BTBD3: variants seen among roughly 807,000 people sequenced by gnomAD.
The protein encoded by BTBD3 is BTB/POZ domain-containing protein 3.
A neutral mutation model predicts 41.6 loss-of-function variants in BTBD3; 14 were observed. The observed-to-expected ratio is 0.34, with a 90% CI of 0.22 to 0.53. The LOEUF is 0.53. Among genes scored for constraint, BTBD3 ranks in the 20% least tolerant of loss-of-function variants. BTBD3 has a pLI of 0.95. For missense variants in BTBD3, 426 were observed against 654.7 expected (o/e 0.65, Z 3.81); for synonymous variants, 249 against 233.7 (o/e 1.07, Z -0.60).
At chr20:11,900,270 T>C (rs1238674776) in intron 1 of BTBD3, among the ~76,000 whole-genome samples, 1 of 152,238 alleles carries the variant, frequency 6.6e-6, no homozygotes, top group Non-Finnish European at 1.5e-5. Context: ...ATTCATTTTA[T>C]ATTGAACCCT....
upstream of BTBD3, among the ~76,000 whole-genome samples, chr20:11,914,419 A>G (rs2056906122): frequency 6.6e-6 from 1 of 152,300 alleles, no homozygotes; most frequent in Non-Finnish European, 1.5e-5. Context: ...TACTCATGGC[A>G]GATGAAAGCC....
intron 1 of BTBD3, among the ~76,000 whole-genome samples, chr20:11,900,760 T>C (rs1409501433): frequency 2.8e-5 from 4 of 145,260 alleles, no homozygotes; most frequent in Non-Finnish European, 4.5e-5. Flanking sequence ...CAGGCTGGAG[T>C]GCAGCGGCGA....
intron 1 of BTBD3, among the ~76,000 whole-genome samples, chr20:11,903,305 GC>G (rs927649391): frequency 1.6e-4 from 24 of 152,172 alleles, no homozygotes; most frequent in African/African-American, 5.5e-4. Flanking sequence ...TTAAACATTG[GC>G]AGCCATGCTT....
intron 1 of BTBD3, among the ~76,000 whole-genome samples, chr20:11,903,508 G>T (rs2056835741): frequency 6.6e-6 from 1 of 152,124 alleles, no homozygotes; most frequent in Non-Finnish European, 1.5e-5. Flanking sequence ...CAATTAATAT[G>T]ATTTTGCACC....
Position 11,906,223 on chromosome 20 carries a change from C to T in BTBD3, c.-125-12111C>T, listed in dbSNP as rs1402234005. On this transcript the variant is annotated intron_variant, in intron 1 of 4. Transcript: ENST00000254977. ...TGGCCAAAAATAAGTTATTCCACTA[C>T]TGATACCATAATTTCCATTTATTAT... Among the ~76,000 whole-genome samples, 4 of 127,746 alleles carry T rather than the reference C, an allele frequency of 3.1e-5. No individual in the cohort carries two copies. In the Admixed American group the frequency reaches 3.4e-4, roughly 11 times the overall value. The allele number at this position is 127,746 out of a possible 152,430, so 83.8% of individuals were successfully genotyped here.
chr20:11,918,928 G>T (rs2056941794), intron 1 of BTBD3, 158 bp from the exon 2 acceptor site: 1 of 605,472 alleles, frequency 1.7e-6, no homozygotes, highest in Non-Finnish European at 2.9e-6. Context: ...TGTTTGCAAT[G>T]ATTATGAACA....
intron 1 of BTBD3, among the ~76,000 whole-genome samples, chr20:11,901,022 A>T (rs2056820897): frequency 6.6e-6 from 1 of 152,202 alleles, no homozygotes; most frequent in African/African-American, 2.4e-5. Context: ...AAGTCCATCT[A>T]CAAATTTAAT....
intron 1 of BTBD3, among the ~76,000 whole-genome samples, chr20:11,902,042 C>A (rs1053379210): frequency 3.9e-5 from 6 of 152,160 alleles, no homozygotes; most frequent in African/African-American, 1.4e-4. Flanking sequence ...TGCCTGCCCC[C>A]ACCCCACCAA....
At chr20:11,891,989 C>A (rs1568605591) in intron 1 of BTBD3, among the ~76,000 whole-genome samples, 1 of 152,114 alleles carries the variant, frequency 6.6e-6, no homozygotes, top group Admixed American at 6.5e-5. Flanking sequence ...TAAAGATCCC[C>A]AGGTGATCGC....
intron 1 of BTBD3, among the ~76,000 whole-genome samples, chr20:11,897,130 C>G (rs1003382193): frequency 1.3e-5 from 2 of 152,038 alleles, no homozygotes; most frequent in African/African-American, 4.8e-5. Context: ...CTCTTCTCAC[C>G]AGCCTATGAA....
At position 11,922,836 on chromosome 20, in the gene BTBD3, G is replaced by A; in HGVS notation, c.739G>A (p.Val247Met). The A allele has an allele frequency of 1.2e-6, 2 of 1,614,218 alleles. No homozygotes were observed. Among genetic ancestry groups the A allele is most frequent in the African/African-American group, 1.3e-5 (1 of 75,066 alleles). Residue 247 changes from valine to methionine, a missense_variant, in exon 4 of 4, where the codon GTG becomes ATG. Val to Met is a conservative substitution (Grantham distance 21). Around this residue, in one of 3 missense-constraint regions of BTBD3, gnomAD observed 321 missense variants for 534.8 expected, o/e 0.60. Transcript: ENST00000378226. ...AGACCTGACCCAGCGTTGCTGGGAG[G>A]TGATTGATGCCCAGGCTGAGTTAGC... ...EPDLTQRCWEVIDAQAELALK... is the reference protein window; with the variant it reads ...EPDLTQRCWEMIDAQAELALK...
At chr20:11,913,886 T>A (rs1346745502), upstream of BTBD3, among the ~76,000 whole-genome samples, 2 of 152,240 alleles carry the variant, frequency 1.3e-5, no homozygotes, top group African/African-American at 4.8e-5. Flanking sequence ...AGGTTAACAG[T>A]GATTCAGCTT....
At chr20:11,907,604 A>G (rs2056863183) in intron 1 of BTBD3, among the ~76,000 whole-genome samples, 2 of 152,214 alleles carry the variant, frequency 1.3e-5, no homozygotes, top group Admixed American at 1.3e-4. Context: ...ATAGAATGTG[A>G]GAAAGTACTG....
chr20:11,891,673 T>A (rs2056755270), intron 1 of BTBD3, among the ~76,000 whole-genome samples: 1 of 152,146 alleles, frequency 6.6e-6, no homozygotes, highest in South Asian at 2.1e-4. Context: ...TTTGCTCTCT[T>A]GGGAAGAAAA....
rs553884491 is a variant in BTBD3, at chr20:11,905,273, A to G, written c.-125-13061A>G. Among the ~76,000 whole-genome samples the G allele has an allele frequency of 3.9e-5, 6 of 152,290 alleles. No homozygotes were observed. The East Asian group carries it at 1.2e-3, about 29-fold the overall frequency. On this transcript the variant is annotated intron_variant, in intron 1 of 4. Transcript: ENST00000254977. Reference sequence around the variant, plus strand: ...TAAGCATACTTTGCTGCTTCTGTCAAGTAACAATGGCATTTCAAGAAAAAA... The same window carrying G: ...TAAGCATACTTTGCTGCTTCTGTCAGGTAACAATGGCATTTCAAGAAAAAA...
Position 11,923,498 on chromosome 20 carries a change from C to T in BTBD3, c.1401C>T (p.Tyr467=), listed in dbSNP as rs1324322157. 1.2e-6 allele frequency: 2 copies of T among 1,613,976 alleles called. No individual in the cohort carries two copies. The highest frequency in any genetic ancestry group is 4.5e-5 in the East Asian group (2 of 44,874). The change falls in exon 4 of 4, where the codon TAC becomes TAT. Residue 467 remains tyrosine (Y), a synonymous_variant. Coordinates refer to ENST00000378226, the MANE Select transcript of BTBD3 (RefSeq NM_014962.4). The surrounding 1 kb of genome is among the most constrained non-coding windows in gnomAD (Gnocchi z 5.3). ...TGCAGATCGAGCCAGACACCTTCTACACAGCCAGTGTGATACTGGATGGCA... is the reference window on the plus strand; with the variant it reads ...TGCAGATCGAGCCAGACACCTTCTATACAGCCAGTGTGATACTGGATGGCA... ...YPVQIEPDTF[Y]TASVILDGNE...
intron 1 of BTBD3, among the ~76,000 whole-genome samples, chr20:11,902,635 G>A (rs934961863): frequency 6.6e-6 from 1 of 152,212 alleles, no homozygotes; most frequent in Non-Finnish European, 1.5e-5. Flanking sequence ...CAACACTTGA[G>A]TTCACCACAG....
upstream of BTBD3, chr20:11,917,879 C>T (rs1237815458): frequency 3.0e-6 from 3 of 997,684 alleles, no homozygotes; most frequent in Non-Finnish European, 3.6e-6. Context: ...TACCTACTCT[C>T]CTCCGATCCA....
chr20:11,919,877 T>C (rs992447027), intron 3 of BTBD3, 41 bp downstream of exon 3: 5 of 1,534,376 alleles, frequency 3.3e-6, no homozygotes, highest in Admixed American at 1.7e-5. Flanking sequence ...TTGTTTATGC[T>C]GTATTTGTAC....
Sources: gnomAD v4.1 joint callset for allele counts (sites outside exome capture counted in the v4.1 genomes callset) on GRCh38, gnomAD v4.1.1 for gene constraint, gnomAD v4.1.1 regional missense constraint, Gnocchi (gnomAD v3.1) non-coding constraint, MANE v1.5 for transcripts, NCBI Gene and HGNC (gene_info 2026-07-23, HGNC 2026-07-21) for gene names.